The following MPPED2 variants were observed in gnomAD, a reference collection of about 807,000 sequenced individuals.
MPPED2 encodes metallophosphoesterase domain containing 2.
Under a neutral mutation model 33.0 loss-of-function variants are expected in MPPED2, and 5 were observed. The observed-to-expected ratio is 0.15, with a 90% CI of 0.08 to 0.32. The LOEUF (loss-of-function observed/expected upper bound fraction) is 0.32, where lower values mean the gene tolerates loss of function less well. Ranked by LOEUF, MPPED2 falls within the 10% of genes least tolerant of loss-of-function variation. The pLI is 1.00. For synonymous variants in MPPED2, 136 were observed against 141.9 expected (o/e 0.96, Z 0.29); for missense variants, 275 against 372.1 (o/e 0.74, Z 2.15).
intron 3 of MPPED2, among the ~76,000 whole-genome samples, chr11:30,511,168 T>C (rs899820559): frequency 3.9e-5 from 6 of 152,136 alleles, no homozygotes; most frequent in African/African-American, 1.4e-4. Context: ...AGGATGAGAT[T>C]TGATAATGAA....
chr11:30,487,045 T>C (rs530909379), intron 4 of MPPED2, among the ~76,000 whole-genome samples: 76 of 152,370 alleles, frequency 5.0e-4, no homozygotes, highest in Non-Finnish European at 9.0e-4. Context: ...GCATCTACTA[T>C]GTGCCAGGCA....
intron 4 of MPPED2, among the ~76,000 whole-genome samples, chr11:30,427,639 G>A (rs1643138011): frequency 1.3e-5 from 1 of 75,712 alleles, no homozygotes; most frequent in African/African-American, 3.1e-5. Flanking sequence ...GTAAGTTCAT[G>A]AGAAAATTCC....
At position 30,503,966 on chromosome 11, in the gene MPPED2, G is replaced by T. The variant is rs117353353; in HGVS notation, c.311-8445C>A. Among the ~76,000 whole-genome samples, 225 of 152,242 alleles carry T rather than the reference G, an allele frequency of 1.5e-3. 5 individuals are homozygous for T. The East Asian group carries it at 0.04, about 27-fold the overall frequency. ...CTAGAAAAAAAAGCTAACTTGTTGGGATTTAAAAGAATCAAACAAATATAT... is the reference window on the plus strand; with the variant it reads ...CTAGAAAAAAAAGCTAACTTGTTGGTATTTAAAAGAATCAAACAAATATAT... On this transcript the variant is annotated intron_variant, in intron 3 of 6. Transcript: ENST00000358117.
chr11:30,400,194 C>A (rs527547384), intron 6 of MPPED2, among the ~76,000 whole-genome samples: 2 of 152,268 alleles, frequency 1.3e-5, no homozygotes, highest in African/African-American at 4.8e-5. Context: ...TAATCAGCCT[C>A]CTGAGTAGCT....
chr11:30,475,641 T>C (rs1165219571), intron 4 of MPPED2, among the ~76,000 whole-genome samples: 1 of 152,214 alleles, frequency 6.6e-6, no homozygotes, highest in Non-Finnish European at 1.5e-5. Flanking sequence ...TCATTCCTTT[T>C]ATTTGCTGAG....
At chr11:30,532,191 C>T (rs1302887089) in intron 3 of MPPED2, among the ~76,000 whole-genome samples, 16 of 152,324 alleles carry the variant, frequency 1.1e-4, no homozygotes, top group Non-Finnish European at 1.9e-4. Flanking sequence ...AGTTCACCCA[C>T]CCCATCCTGC....
downstream of MPPED2, among the ~76,000 whole-genome samples, chr11:30,409,610 C>A (rs185233267): frequency 1.3e-5 from 2 of 152,194 alleles, no homozygotes; most frequent in Non-Finnish European, 2.9e-5. Context: ...AAAGGATCCA[C>A]AATAGGTAGG....
intron 2 of MPPED2, among the ~76,000 whole-genome samples, chr11:30,576,887 A>AG (rs1956953521): frequency 6.6e-6 from 1 of 151,992 alleles, no homozygotes; most frequent in Admixed American, 6.6e-5. Flanking sequence ...TTCTAAAAAA[A>AG]AAAAACTTCC....
At chr11:30,432,316 C>A (rs1286378055) in intron 4 of MPPED2, among the ~76,000 whole-genome samples, 1 of 152,158 alleles carries the variant, frequency 6.6e-6, no homozygotes, top group Non-Finnish European at 1.5e-5. Flanking sequence ...TTTTCCGATA[C>A]TCAGTCTTGC....
chr11:30,532,391 A>G (rs1954577843), intron 3 of MPPED2, among the ~76,000 whole-genome samples: 2 of 152,134 alleles, frequency 1.3e-5, no homozygotes, highest in Non-Finnish European at 2.9e-5. Context: ...TCATTTTTAT[A>G]CATTTTGGTG....
At chr11:30,388,729 G>A (rs1008210785) in exon 7 of MPPED2, 14 of 949,362 alleles carry the variant, frequency 1.5e-5, no homozygotes, top group Non-Finnish European at 2.0e-5. Flanking sequence ...GAGCTTCCCT[G>A]TCGCCTCCTC....
Position 30,583,134 on chromosome 11 carries a change from C to CTTTTTTTTTTTTTTTTTTTTTTT in MPPED2, c.-121-2663_-121-2641dup, listed in dbSNP as rs199611856. On this transcript the variant is annotated intron_variant, in intron 1 of 6. Coordinates refer to ENST00000358117, the MANE Select transcript of MPPED2 (RefSeq NM_001584.3). ...CACAAACACCTGGAAAAGACTTTTT[C>CTTTTTTTTTTTTTTTTTTTTTTT]TTTTTTTTTTTTTTTTTTTTTTTTT... is the stretch of plus-strand genomic sequence containing the variant. 3.7e-4 allele frequency among the ~76,000 whole-genome samples: 36 copies of CTTTTTTTTTTTTTTTTTTTTTTT among 96,678 alleles called. 4 individuals carry two copies. Among genetic ancestry groups the CTTTTTTTTTTTTTTTTTTTTTTT allele is most frequent in the African/African-American group, 1.5e-3 (32 of 20,688 alleles). The allele number at this position is 96,678 out of a possible 152,430, so 63.4% of individuals were successfully genotyped here. A position where few individuals can be genotyped will look rare whatever the true frequency, so the allele number is the denominator to read the frequency against.
At chr11:30,485,160 C>G (rs561516067) in intron 4 of MPPED2, among the ~76,000 whole-genome samples, 1 of 152,122 alleles carries the variant, frequency 6.6e-6, no homozygotes, top group South Asian at 2.1e-4. Flanking sequence ...GGAAGCAAAC[C>G]GATTTGGGAC....
intron 6 of MPPED2, among the ~76,000 whole-genome samples, chr11:30,402,506 A>G (rs1947922786): frequency 6.6e-6 from 1 of 152,212 alleles, no homozygotes; most frequent in Non-Finnish European, 1.5e-5. Flanking sequence ...TAATAAAACA[A>G]CCAGGCTACT....
At chr11:30,451,203 C>T (rs1201426964) in intron 4 of MPPED2, among the ~76,000 whole-genome samples, 3 of 152,200 alleles carry the variant, frequency 2.0e-5, no homozygotes, top group Non-Finnish European at 2.9e-5. Context: ...AGCTGTCTTC[C>T]AGCTTTGAAA....
chr11:30,546,346 T>C (rs1027248485), intron 2 of MPPED2, among the ~76,000 whole-genome samples: 1 of 152,174 alleles, frequency 6.6e-6, no homozygotes, highest in Non-Finnish European at 1.5e-5. Flanking sequence ...ACGAGCTTGT[T>C]TTTTTAATGT....
At chr11:30,585,337 G>A (rs574747239) in intron 1 of MPPED2, among the ~76,000 whole-genome samples, 1 of 152,130 alleles carries the variant, frequency 6.6e-6, no homozygotes, top group South Asian at 2.1e-4. Context: ...GTGAGGTTGG[G>A]GCGCGGGGAC....
intron 5 of MPPED2, among the ~76,000 whole-genome samples, chr11:30,416,178 G>T (rs1271233204): frequency 6.6e-6 from 1 of 152,272 alleles, no homozygotes; most frequent in Non-Finnish European, 1.5e-5. Flanking sequence ...TGGGAATGGT[G>T]ATTCTGAAGT....
chr11:30,541,624 T>A (rs532594464), intron 2 of MPPED2, among the ~76,000 whole-genome samples: 5 of 152,356 alleles, frequency 3.3e-5, no homozygotes, highest in East Asian at 1.9e-4. Flanking sequence ...TTGCTTTTTT[T>A]AGACAGTGTC....
Sources: allele counts gnomAD v4.1 joint callset (sites outside exome capture counted in the v4.1 genomes callset), GRCh38; gene constraint gnomAD v4.1.1; transcripts MANE v1.5; gene names NCBI Gene and HGNC (gene_info 2026-07-23, HGNC 2026-07-21).